Variants in INSC observed in about 807,000 individuals in gnomAD.
INSC encodes protein inscuteable homolog.
INSC carries 67 observed loss-of-function variants against 58.6 expected under a neutral mutation model. The observed-to-expected ratio is 1.14, with a 90% CI of 0.94 to 1.40. INSC has a LOEUF of 1.40. Ranked by LOEUF, INSC falls within the 40% of genes most tolerant of loss-of-function variation. INSC has a pLI of 0.00. For missense variants in INSC, 714 were observed against 692.0 expected (o/e 1.03, Z -0.36); for synonymous variants, 262 against 276.1 (o/e 0.95, Z 0.51).
Position 15,238,994 on chromosome 11 carries a change from G to C in INSC, c.1313G>C (p.Arg438Pro), listed in dbSNP as rs780642258. 3.1e-6 allele frequency: 5 copies of C among 1,614,222 alleles called. No homozygotes were observed. The Admixed American group carries it at 6.7e-5, about 22-fold the overall frequency. ...GTPAEVAACE[R>P]VQQKAAVTLA... ...CCTGCTGAAGTGGCAGCCTGTGAGCGAGTCCAGCAGAAAGCTGCAGTGACC... is the reference window on the plus strand; with the variant it reads ...CCTGCTGAAGTGGCAGCCTGTGAGCCAGTCCAGCAGAAAGCTGCAGTGACC... The change falls in exon 11 of 13, where the codon CGA becomes CCA. Residue 438 changes from arginine (R) to proline (P), a missense_variant. Transcript: ENST00000379556.
chr11:15,197,208 C>T (rs535832222), intron 6 of INSC, among the ~76,000 whole-genome samples: 2 of 152,284 alleles, frequency 1.3e-5, no homozygotes, highest in South Asian at 4.2e-4. Context: ...CTACAGATTC[C>T]AGAATCTTAA....
intron 7 of INSC, among the ~76,000 whole-genome samples, chr11:15,218,088 A>AT (rs1851290065): frequency 1.3e-5 from 2 of 152,322 alleles, no homozygotes; most frequent in South Asian, 4.1e-4. Flanking sequence ...AAGAATATTT[A>AT]TAGCAGCACT....
At chr11:15,222,948 C>A (rs1479188613) in intron 8 of INSC, among the ~76,000 whole-genome samples, 2 of 152,192 alleles carry the variant, frequency 1.3e-5, no homozygotes, top group East Asian at 3.9e-4. Flanking sequence ...GGTTAAGTTA[C>A]TTTCCTAAGG....
At chr11:15,254,467 G>A in the INSC span, among the ~76,000 whole-genome samples, 1 of 152,268 alleles carries the variant, frequency 6.6e-6, no homozygotes, top group African/African-American at 2.4e-5. Context: ...AAGTATAGTG[G>A]TTAAAACTGT....
At chr11:15,112,591 AGTGTGTGTGTGTGT>A (rs375142839), upstream of INSC, 2,199 of 367,140 alleles carry the variant, frequency 6.0e-3, 101 homozygotes, top group African/African-American at 0.082. Context: ...GGTGGATGTG[AGTGTGTGTGTGTGT>A]GTGTGTGTGT....
chr11:15,151,633 G>T (rs1178618879), intron 2 of INSC, among the ~76,000 whole-genome samples: 1 of 152,116 alleles, frequency 6.6e-6, no homozygotes, highest in Non-Finnish European at 1.5e-5. Flanking sequence ...TCTGGGCATG[G>T]TGGTGGTGCT....
chr11:15,188,513 C>T (rs190511999), intron 5 of INSC, among the ~76,000 whole-genome samples: 70 of 152,252 alleles, frequency 4.6e-4, no homozygotes, highest in African/African-American at 1.5e-3. Context: ...AGGTCCTTTC[C>T]GGCTCTGACA....
chr11:15,118,529 G>A (rs1847790713), intron 1 of INSC, among the ~76,000 whole-genome samples: 1 of 152,204 alleles, frequency 6.6e-6, no homozygotes, highest in Non-Finnish European at 1.5e-5. Flanking sequence ...CTGCCTTCAA[G>A]ATATATCCTC....
At chr11:15,227,508 T>A (rs988884107) in intron 9 of INSC, among the ~76,000 whole-genome samples, 1 of 152,240 alleles carries the variant, frequency 6.6e-6, no homozygotes, top group African/African-American at 2.4e-5. Flanking sequence ...TAGTGAATTA[T>A]CCAAAATCCT....
At chr11:15,180,694 C>CGGGG (rs756237896) in intron 5 of INSC, among the ~76,000 whole-genome samples, 44 of 41,818 alleles carry the variant, frequency 1.1e-3, no homozygotes, top group African/African-American at 3.4e-3. Flanking sequence ...AGGGGGGGGG[C>CGGGG]GGGGGGGGGT....
chr11:15,147,635 C>A (rs1848527347), intron 1 of INSC, among the ~76,000 whole-genome samples: 1 of 152,196 alleles, frequency 6.6e-6, no homozygotes, highest in African/African-American at 2.4e-5. Flanking sequence ...AGGCTATGTG[C>A]CTGGCCCTTG....
Position 15,225,673 on chromosome 11 carries a change from G to C in INSC, c.1015G>C (p.Gly339Arg), listed in dbSNP as rs746029647. The change falls in exon 9 of 13, where the codon GGG (glycine) becomes CGG (arginine). Residue 339 changes from glycine to arginine, a missense_variant. Physicochemically the swap from Gly to Arg is moderately radical, Grantham distance 125. Transcript: ENST00000379556. ...LVKLCQEASS[G>R]EVFLLASAAL... ...AGAACTGTGCCAAGAGGCCTCATCA[G>C]GGGAAGTCTTCCTACTGGCCTCTGC... 3 of 1,614,162 alleles carry C rather than the reference G, an allele frequency of 1.9e-6. No individual in the cohort carries two copies. The East Asian group carries it at 6.7e-5, about 36-fold the overall frequency.
intron 2 of INSC, among the ~76,000 whole-genome samples, chr11:15,163,366 C>T (rs1849083268): frequency 6.6e-6 from 1 of 152,132 alleles, no homozygotes; most frequent in Non-Finnish European, 1.5e-5. Context: ...TACTATCTTA[C>T]TACAGTATGT....
At chr11:15,262,725 GT>G in the INSC span, among the ~76,000 whole-genome samples, 1 of 150,698 alleles carries the variant, frequency 6.6e-6, no homozygotes, top group Admixed American at 6.6e-5. Context: ...GATTAAAGTG[GT>G]TCTTTAATTA....
At chr11:15,201,092 C>A in intron 7 of INSC, 143 bp downstream of exon 7, 1 of 1,043,430 alleles carries the variant, frequency 9.6e-7, no homozygotes, top group Non-Finnish European at 1.4e-6. Context: ...GATAGGGTGG[C>A]TGGGACCTGG....
intron 9 of INSC, among the ~76,000 whole-genome samples, chr11:15,226,958 G>A (rs1433652409): frequency 6.6e-6 from 1 of 152,164 alleles, no homozygotes; most frequent in Non-Finnish European, 1.5e-5. Flanking sequence ...CTTATCCTCA[G>A]AATCGCCTGT....
chr11:15,148,989 A>G (rs1590362563), intron 1 of INSC, 141 bp from the exon 2 acceptor site: 1 of 1,045,640 alleles, frequency 9.6e-7, no homozygotes, highest in Non-Finnish European at 1.3e-6. Context: ...ACTGGAGTGT[A>G]AACTGGTTCA....
intron 1 of INSC, among the ~76,000 whole-genome samples, chr11:15,135,700 T>C (rs994099868): frequency 2.0e-5 from 3 of 152,208 alleles, no homozygotes; most frequent in Non-Finnish European, 4.4e-5. Flanking sequence ...TCACAGAAAA[T>C]GTCTTAGTGT....
chr11:15,216,960 G>A (rs114631344), intron 7 of INSC, among the ~76,000 whole-genome samples: 1,976 of 152,192 alleles, frequency 0.013, 51 homozygotes, highest in African/African-American at 0.046. Flanking sequence ...CTCTGAAGTT[G>A]TTACTTTTAG....
Sources: allele counts gnomAD v4.1 joint callset (sites outside exome capture counted in the v4.1 genomes callset), GRCh38; gene constraint gnomAD v4.1.1; transcripts MANE v1.5; gene names NCBI Gene and HGNC (gene_info 2026-07-23, HGNC 2026-07-21).